The following CCDC3 variants were observed in gnomAD, a reference collection of about 807,000 sequenced individuals.
The protein encoded by CCDC3 is coiled-coil domain-containing protein 3.
A neutral mutation model predicts 21.4 loss-of-function variants in CCDC3; 24 were observed. That is an observed-to-expected ratio of 1.12 (90% CI 0.81 to 1.58). The LOEUF is 1.58. CCDC3 is among the 40% of genes most tolerant of loss of function. CCDC3 has a pLI of 0.00. For missense variants in CCDC3, 425 were observed against 360.9 expected (o/e 1.18, Z -1.44); for synonymous variants, 186 against 166.0 (o/e 1.12, Z -0.93).
At chr10:12,939,648 ACCC>A (rs1564291420) in intron 2 of CCDC3, among the ~76,000 whole-genome samples, 15 of 5,794 alleles carry the variant, frequency 2.6e-3, no homozygotes, top group Non-Finnish European at 3.9e-3. Flanking sequence ...CAGATGAGAT[ACCC>A]TGGGAAAGCG....
chr10:12,974,791 G>C (rs979207378), intron 2 of CCDC3, among the ~76,000 whole-genome samples: 3 of 152,170 alleles, frequency 2.0e-5, no homozygotes, highest in African/African-American at 7.2e-5. Context: ...CACAGACAAA[G>C]GTTTCATCAC....
At chr10:13,039,272 A>C (rs559967374) in intron 5 of CCDC3, among the ~76,000 whole-genome samples, 112 of 152,244 alleles carry the variant, frequency 7.4e-4, no homozygotes, top group African/African-American at 2.6e-3. Context: ...ATATCTCAAA[A>C]AATAGCTGGG....
intron 4 of CCDC3, among the ~76,000 whole-genome samples, chr10:13,072,388 T>TCCCCC (rs1836894618): frequency 6.6e-6 from 1 of 152,184 alleles, no homozygotes; most frequent in Admixed American, 6.5e-5. Context: ...CCGTTGGATG[T>TCCCCC]ACTTCTTTAG....
chr10:13,078,496 A>T (rs1836992783), intron 3 of CCDC3, among the ~76,000 whole-genome samples: 1 of 152,236 alleles, frequency 6.6e-6, no homozygotes. Context: ...TTAACCAAGC[A>T]ATCCCATTAC....
chr10:12,995,324 C>T (rs889812795), intron 2 of CCDC3, among the ~76,000 whole-genome samples: 2 of 152,182 alleles, frequency 1.3e-5, no homozygotes, highest in African/African-American at 2.4e-5. Flanking sequence ...TCATTGCAAC[C>T]TCTGCCTCCC....
rs115138674 is a variant in CCDC3, at chr10:12,907,081, C to G, written c.550-8402G>C. On this transcript the variant is annotated intron_variant, in intron 2 of 2. Coordinates refer to ENST00000378825, the MANE Select transcript of CCDC3 (RefSeq NM_031455.4). ...TGTCATCTTTTCCTGGTTCCATTGT[C>G]AAGTTTATCGCATGGGGCTCTAACT... Among the ~76,000 whole-genome samples, 542 of 152,284 alleles carry G rather than the reference C, an allele frequency of 3.6e-3. 7 individuals carry two copies. Among genetic ancestry groups the G allele is most frequent in the African/African-American group, 0.012 (515 of 41,554 alleles).
chr10:13,086,593 C>T (rs1256374448), intron 3 of CCDC3, among the ~76,000 whole-genome samples: 1 of 152,082 alleles, frequency 6.6e-6, no homozygotes, highest in East Asian at 1.9e-4. Flanking sequence ...ATTACAGGCA[C>T]ATGCCACCAC....
At chr10:12,926,205 G>T (rs1184706553) in intron 2 of CCDC3, among the ~76,000 whole-genome samples, 2 of 152,234 alleles carry the variant, frequency 1.3e-5, no homozygotes, top group Non-Finnish European at 2.9e-5. Context: ...TGTGAAGACA[G>T]CTGGGATTTA....
intron 2 of CCDC3, among the ~76,000 whole-genome samples, chr10:12,937,523 C>T (rs542556990): frequency 1.3e-5 from 2 of 152,184 alleles, no homozygotes; most frequent in Non-Finnish European, 2.9e-5. Flanking sequence ...AGGGCAGGGG[C>T]GTGATCATAG....
chr10:12,995,086 GAAA>G (rs11355303), intron 2 of CCDC3, among the ~76,000 whole-genome samples: 1 of 140,132 alleles, frequency 7.1e-6, no homozygotes, highest in African/African-American at 2.6e-5. Flanking sequence ...CATCTCAAAA[GAAA>G]AAAAAAAAAA....
chr10:13,099,724 A>G (rs1198415538), upstream of CCDC3: 1 of 151,978 alleles, frequency 6.6e-6, no homozygotes, highest in African/African-American at 2.4e-5. Flanking sequence ...TTTTTCAAAA[A>G]ACACAGATGG....
Position 13,001,351 on chromosome 10 carries a change from A to G in CCDC3, c.220T>C (p.Phe74Leu). ...WQYHAGQGGL[F>L]YSAEVEMLCD... is the part of the protein sequence containing the mutation. ...AGCATCTCGACCTCGGCCGAGTAGA[A>G]GAGGCCCCCCTGGCCGGCGTGGTAC... Residue 74 changes from phenylalanine to leucine, a missense_variant, in exon 1 of 3, where the codon TTC (phenylalanine) becomes CTC (leucine). Phe to Leu is a conservative substitution (Grantham distance 22). Coordinates refer to ENST00000378825, the MANE Select transcript of CCDC3 (RefSeq NM_031455.4). 1 of 1,601,912 alleles carries G rather than the reference A, an allele frequency of 6.2e-7. No individual in the cohort carries two copies. The highest frequency in any genetic ancestry group is 8.5e-7 in the Non-Finnish European group (1 of 1,175,460).
At chr10:13,006,888 A>G (rs1835930137) in intron 5 of CCDC3, among the ~76,000 whole-genome samples, 1 of 152,126 alleles carries the variant, frequency 6.6e-6, no homozygotes, top group East Asian at 1.9e-4. Flanking sequence ...TGTTACATAG[A>G]TCAGGCACTA....
At chr10:13,052,421 T>C (rs1301212069) in intron 4 of CCDC3, among the ~76,000 whole-genome samples, 2 of 152,210 alleles carry the variant, frequency 1.3e-5, no homozygotes, top group Non-Finnish European at 2.9e-5. Context: ...CCTGATTTGA[T>C]CAGGTACGTT....
chr10:12,976,926 G>C (rs919325148), intron 2 of CCDC3, among the ~76,000 whole-genome samples: 3 of 152,302 alleles, frequency 2.0e-5, no homozygotes, highest in African/African-American at 7.2e-5. Flanking sequence ...TTATGGTATT[G>C]ACAGAAGGAG....
chr10:13,047,728 C>T (rs968187326), intron 5 of CCDC3, among the ~76,000 whole-genome samples: 7 of 152,152 alleles, frequency 4.6e-5, no homozygotes, highest in African/African-American at 1.4e-4. Flanking sequence ...TCCTGTTAGC[C>T]ATGGGCCTCT....
chr10:13,081,800 C>T (rs1467945768), intron 3 of CCDC3, among the ~76,000 whole-genome samples: 2 of 152,204 alleles, frequency 1.3e-5, no homozygotes, highest in African/African-American at 4.8e-5. Flanking sequence ...ATTAAATATT[C>T]CATCTGCACT....
At chr10:13,069,844 A>G (rs1056543360) in intron 4 of CCDC3, among the ~76,000 whole-genome samples, 2 of 152,224 alleles carry the variant, frequency 1.3e-5, no homozygotes, top group African/African-American at 4.8e-5. Context: ...TTATTTGTCA[A>G]TCATGTTTCT....
At chr10:13,012,840 C>A (rs1835999488) in intron 5 of CCDC3, among the ~76,000 whole-genome samples, 1 of 151,844 alleles carries the variant, frequency 6.6e-6, no homozygotes, top group African/African-American at 2.4e-5. Context: ...ATAATTTGTA[C>A]CCGAGATCCC....
Sources: allele counts gnomAD v4.1 joint callset (sites outside exome capture counted in the v4.1 genomes callset), GRCh38; gene constraint gnomAD v4.1.1; transcripts MANE v1.5; gene names NCBI Gene and HGNC (gene_info 2026-07-23, HGNC 2026-07-21).